Variants in MAGI1 observed in about 807,000 individuals in gnomAD.
The protein encoded by MAGI1 is membrane-associated guanylate kinase, WW and PDZ domain-containing protein 1.
In MAGI1, 58 loss-of-function variants were observed where a neutral mutation model predicts 139.9. That is an observed-to-expected ratio of 0.41 (90% CI 0.34 to 0.52). The LOEUF is 0.52. MAGI1 is among the 20% of genes least tolerant of loss of function. The pLI is 0.12. For synonymous variants in MAGI1, 812 were observed against 737.9 expected, an observed-to-expected ratio of 1.10 and a Z score of -1.63; for missense variants, 1,874 against 1,901.6, an observed-to-expected ratio of 0.99 and a Z score of 0.27.
chr3:65,853,950 C>CA (rs1227818527), intron 1 of MAGI1, among the ~76,000 whole-genome samples: 6 of 151,690 alleles, frequency 4.0e-5, no homozygotes, highest in Middle Eastern at 6.8e-3. Flanking sequence ...ACTAAAAATA[C>CA]AAAAAAAATT....
At position 65,790,586 on chromosome 3, in the gene MAGI1, T is replaced by G. The variant is rs773474114; in HGVS notation, c.314-168498A>C. ...GCCTATTTTTCCTACAACACAGAGT[T>G]AGATCTTGATAAGGTAGCATTTTAT... On this transcript the variant is annotated intron_variant, in intron 1 of 22. Transcript: ENST00000402939. 6.7e-4 allele frequency among the ~76,000 whole-genome samples: 102 copies of G among 152,308 alleles called. 1 individual carries two copies. The highest frequency in any genetic ancestry group is 3.4e-3 in the Middle Eastern group (1 of 294).
At chr3:65,584,409 G>A (rs1393449040) in intron 2 of MAGI1, among the ~76,000 whole-genome samples, 2 of 152,170 alleles carry the variant, frequency 1.3e-5, no homozygotes, top group African/African-American at 4.8e-5. Context: ...CCTAAAAACA[G>A]CCAAGACACA....
intron 1 of MAGI1, among the ~76,000 whole-genome samples, chr3:65,628,250 T>C (rs1398360019): frequency 1.3e-5 from 2 of 152,174 alleles, no homozygotes; most frequent in African/African-American, 2.4e-5. Context: ...CTATTGTCAC[T>C]ATTTTTCAGG....
intron 1 of MAGI1, among the ~76,000 whole-genome samples, chr3:65,988,459 G>C (rs1272363816): frequency 6.6e-6 from 1 of 152,142 alleles, no homozygotes; most frequent in Non-Finnish European, 1.5e-5. Flanking sequence ...CGGCTGCAAG[G>C]CAAGATTTCT....
chr3:65,710,865 T>C (rs2031294767), intron 1 of MAGI1, among the ~76,000 whole-genome samples: 1 of 152,230 alleles, frequency 6.6e-6, no homozygotes, highest in Non-Finnish European at 1.5e-5. Flanking sequence ...CAATGCCCAT[T>C]GATACAGACT....
intron 4 of MAGI1, among the ~76,000 whole-genome samples, chr3:65,475,365 C>G (rs1950833808): frequency 6.6e-6 from 1 of 152,124 alleles, no homozygotes; most frequent in Non-Finnish European, 1.5e-5. Flanking sequence ...AGGCACCCAC[C>G]ACCATACTCA....
intron 2 of MAGI1, among the ~76,000 whole-genome samples, chr3:65,590,614 C>G (rs181732983): frequency 1.3e-5 from 2 of 152,150 alleles, no homozygotes; most frequent in Admixed American, 1.3e-4. Flanking sequence ...GCTGTCCCCC[C>G]CATTCGTCTT....
chr3:65,750,213 C>A (rs1330022412), intron 1 of MAGI1, among the ~76,000 whole-genome samples: 1 of 152,166 alleles, frequency 6.6e-6, no homozygotes, highest in African/African-American at 2.4e-5. Flanking sequence ...TCCTATAATT[C>A]TGGTCACTGT....
At chr3:66,027,526 G>A in intron 1 of MAGI1, among the ~76,000 whole-genome samples, 1 of 152,126 alleles carries the variant, frequency 6.6e-6, no homozygotes, top group Admixed American at 6.5e-5. Flanking sequence ...GAATCAGATA[G>A]ATCTGAGTTT....
At chr3:65,937,883 T>A (rs907371383) in intron 1 of MAGI1, among the ~76,000 whole-genome samples, 1 of 152,116 alleles carries the variant, frequency 6.6e-6, no homozygotes, top group African/African-American at 2.4e-5. Context: ...AGGCTATCAT[T>A]CCGTTTGTTG....
intron 1 of MAGI1, among the ~76,000 whole-genome samples, chr3:65,628,785 A>G (rs1288265595): frequency 6.6e-6 from 1 of 152,176 alleles, no homozygotes; most frequent in African/African-American, 2.4e-5. Flanking sequence ...CCAATCTACT[A>G]AAGATAAAAT....
At chr3:65,454,515 A>G (rs868237589) in intron 5 of MAGI1, among the ~76,000 whole-genome samples, 82 of 113,696 alleles carry the variant, frequency 7.2e-4, no homozygotes, top group Non-Finnish European at 3.2e-4. Flanking sequence ...CATGTACCCT[A>G]AAACTGAAAG....
intron 1 of MAGI1, among the ~76,000 whole-genome samples, chr3:65,991,726 A>G (rs2066183840): frequency 6.6e-6 from 1 of 152,150 alleles, no homozygotes; most frequent in Admixed American, 6.6e-5. Flanking sequence ...TTTAAAAAAT[A>G]AATCCAGGCC....
chr3:65,696,239 A>G (rs1451773960), intron 1 of MAGI1, among the ~76,000 whole-genome samples: 1 of 152,016 alleles, frequency 6.6e-6, no homozygotes, highest in East Asian at 1.9e-4. Flanking sequence ...TTCCCTGCTC[A>G]CCCTATGTAA....
At chr3:65,680,799 C>G (rs1012953659) in intron 1 of MAGI1, among the ~76,000 whole-genome samples, 2 of 80,014 alleles carry the variant, frequency 2.5e-5, no homozygotes, top group East Asian at 2.2e-4. Flanking sequence ...ATATGATATA[C>G]TTTAATAATT....
chr3:66,021,318 T>G (rs945732331), intron 1 of MAGI1, among the ~76,000 whole-genome samples: 46 of 152,270 alleles, frequency 3.0e-4, no homozygotes, highest in African/African-American at 1.0e-3. Flanking sequence ...CCACCGGAGT[T>G]CCCTTTCTGC....
chr3:66,020,752 G>A (rs986572612), intron 1 of MAGI1, among the ~76,000 whole-genome samples: 4 of 152,060 alleles, frequency 2.6e-5, no homozygotes, highest in East Asian at 3.9e-4. Flanking sequence ...CAACCTCGGG[G>A]TAACACAGAG....
In MAGI1 at chr3:65,655,363, T is replaced by C. The variant is rs1363396168; in HGVS notation, c.314-33275A>G. 2.6e-5 allele frequency among the ~76,000 whole-genome samples: 4 copies of C among 152,282 alleles called. No individual in the cohort carries two copies. The East Asian group carries it at 5.8e-4, about 22-fold the overall frequency. On this transcript the variant is annotated intron_variant, in intron 1 of 22. Coordinates refer to ENST00000402939, the MANE Select transcript of MAGI1 (RefSeq NM_001033057.2). ...AAAAAAATCTACATCCAACCATACA[T>C]AGTTATGGTACAGATTATTACATAC...
intron 1 of MAGI1, among the ~76,000 whole-genome samples, chr3:66,004,756 A>T (rs920514507): frequency 1.1e-4 from 16 of 152,188 alleles, no homozygotes; most frequent in African/African-American, 3.1e-4. Context: ...GAACAAGGTA[A>T]GTCCAAAAAT....
Sources: allele counts gnomAD v4.1 joint callset (sites outside exome capture counted in the v4.1 genomes callset), GRCh38; gene constraint gnomAD v4.1.1; transcripts MANE v1.5; gene names NCBI Gene and HGNC (gene_info 2026-07-23, HGNC 2026-07-21).